DLGAP2: variants seen among roughly 807,000 people sequenced by gnomAD.
DLGAP2 encodes DLG associated protein 2, also known as disks large-associated protein 2.
Under a neutral mutation model 100.3 loss-of-function variants are expected in DLGAP2, and 26 were observed. The ratio of observed to expected loss-of-function variants is 0.26; its 90% confidence interval spans 0.19 to 0.36. The LOEUF is 0.36. DLGAP2 is among the 10% of genes least tolerant of loss of function. The pLI, the probability that DLGAP2 is intolerant of heterozygous loss-of-function variation, is 1.00. For missense variants in DLGAP2, 1,858 were observed against 1,453.2 expected (o/e 1.28, Z -4.53); for synonymous variants, 886 against 630.1 (o/e 1.41, Z -6.08).
chr8:793,109 C>T (rs979721549), intron 1 of DLGAP2, among the ~76,000 whole-genome samples: 2 of 152,216 alleles, frequency 1.3e-5, no homozygotes, highest in African/African-American at 2.4e-5. Context: ...TGGCTCTTCT[C>T]CCATGCCTTC....
intron 6 of DLGAP2, among the ~76,000 whole-genome samples, chr8:1,596,832 A>G (rs1216428121): frequency 6.7e-6 from 1 of 148,872 alleles, no homozygotes; most frequent in African/African-American, 2.4e-5. Flanking sequence ...AGGTTGCCTG[A>G]TAGTTTCATT....
At chr8:1,665,013 G>T (rs1227133100) in intron 8 of DLGAP2, among the ~76,000 whole-genome samples, 1 of 152,152 alleles carries the variant, frequency 6.6e-6, no homozygotes, top group East Asian at 1.9e-4. Context: ...TTTTAAAAGT[G>T]TGGCATGCAA....
intron 2 of DLGAP2, among the ~76,000 whole-genome samples, chr8:1,140,622 G>C (rs1438024698): frequency 6.6e-6 from 1 of 152,148 alleles, no homozygotes; most frequent in Non-Finnish European, 1.5e-5. Flanking sequence ...CAGCCAGGCT[G>C]GGAGCTGACT....
chr8:1,463,720 C>T (rs1332045750), intron 3 of DLGAP2, among the ~76,000 whole-genome samples: 3 of 152,262 alleles, frequency 2.0e-5, no homozygotes, highest in South Asian at 2.1e-4. Context: ...GCACTGGCCA[C>T]GTTGAACATG....
At position 1,676,749 on chromosome 8, in the gene DLGAP2, A is replaced by T. The variant is rs1261413947; in HGVS notation, c.2288+131A>T. On this transcript the variant is annotated intron_variant, in intron 11 of 14. Transcript: ENST00000637795. ...TGTGGAAACAGGGCCATACGTTTAT[A>T]CTTTTCCATTGATAACCCTCAAGTA... 3.4e-6 allele frequency: 3 copies of T among 870,158 alleles called. No homozygotes were observed. The African/African-American group carries it at 5.1e-5, about 15-fold the overall frequency. 53.9% of individuals were successfully genotyped at this position (870,158 alleles called of 1,614,324 possible). A position where few individuals can be genotyped will look rare whatever the true frequency, so the allele number is the denominator to read the frequency against.
At chr8:1,669,640 G>T in intron 9 of DLGAP2, 103 bp from the exon 10 acceptor site, 2 of 768,354 alleles carry the variant, frequency 2.6e-6, no homozygotes, top group East Asian at 4.9e-5. Context: ...GGCCCGTGCG[G>T]CGCTGGTAGC....
chr8:1,362,528 C>T (rs1802005963), intron 3 of DLGAP2, among the ~76,000 whole-genome samples: 1 of 152,102 alleles, frequency 6.6e-6, no homozygotes, highest in Non-Finnish European at 1.5e-5. Context: ...TCCCCGTGAG[C>T]CTTGGCTTCC....
intron 3 of DLGAP2, among the ~76,000 whole-genome samples, chr8:1,472,755 TG>T (rs1030299903): frequency 1.4e-4 from 21 of 152,196 alleles, no homozygotes; most frequent in African/African-American, 5.1e-4. Context: ...AAACCCTAGC[TG>T]GGGTGACAAG....
At chr8:976,440 T>C (rs1800165102) in intron 2 of DLGAP2, among the ~76,000 whole-genome samples, 1 of 152,016 alleles carries the variant, frequency 6.6e-6, no homozygotes, top group South Asian at 2.1e-4. Flanking sequence ...TAAAACCCCA[T>C]GTCTACTAAA....
intron 4 of DLGAP2, among the ~76,000 whole-genome samples, chr8:1,523,252 G>A (rs966101820): frequency 8.5e-5 from 13 of 152,236 alleles, no homozygotes; most frequent in African/African-American, 2.9e-4. Flanking sequence ...CGTTGAATTT[G>A]GATTTGCTTG....
At chr8:1,631,838 C>T (rs1797654615) in intron 7 of DLGAP2, among the ~76,000 whole-genome samples, 1 of 152,210 alleles carries the variant, frequency 6.6e-6, no homozygotes. Context: ...AGACAGGCAA[C>T]CAGTGTCGTG....
intron 1 of DLGAP2, among the ~76,000 whole-genome samples, chr8:857,063 C>T: frequency 6.6e-6 from 1 of 152,090 alleles, no homozygotes; most frequent in East Asian, 1.9e-4. Context: ...AGAGACAGAC[C>T]CACGTAAATA....
intron 3 of DLGAP2, among the ~76,000 whole-genome samples, chr8:1,335,421 A>G (rs1801251753): frequency 6.6e-6 from 1 of 152,204 alleles, no homozygotes; most frequent in African/African-American, 2.4e-5. Context: ...CTGTGGGCTG[A>G]CACTATGCTG....
chr8:1,353,408 A>G (rs7017736), intron 3 of DLGAP2, among the ~76,000 whole-genome samples: 60,353 of 152,096 alleles, frequency 0.4, 12,382 homozygotes, highest in East Asian at 0.56. Context: ...TTTCAGTACC[A>G]TGGTCAATGA....
At chr8:1,088,778 T>G (rs1411626422) in intron 2 of DLGAP2, among the ~76,000 whole-genome samples, 1 of 116,586 alleles carries the variant, frequency 8.6e-6, no homozygotes, top group African/African-American at 3.5e-5. Flanking sequence ...CAGCAGGCTA[T>G]GCAATTCTCA....
chr8:1,090,087 C>T (rs1285852412), intron 2 of DLGAP2, among the ~76,000 whole-genome samples: 1 of 139,290 alleles, frequency 7.2e-6, no homozygotes, highest in Non-Finnish European at 1.6e-5. Flanking sequence ...CTGGAGCCCT[C>T]CTGGGCAGAC....
intron 1 of DLGAP2, among the ~76,000 whole-genome samples, chr8:784,615 T>G (rs1433719188): frequency 1.3e-5 from 2 of 152,236 alleles, no homozygotes; most frequent in African/African-American, 4.8e-5. Context: ...TATAACAGTT[T>G]TATCTCAGAA....
chr8:1,656,173 A>G (rs1052483821), intron 8 of DLGAP2, among the ~76,000 whole-genome samples: 1 of 152,146 alleles, frequency 6.6e-6, no homozygotes, highest in Non-Finnish European at 1.5e-5. Flanking sequence ...AAAATATAAA[A>G]TTAGCCAGGC....
intron 6 of DLGAP2, among the ~76,000 whole-genome samples, chr8:1,582,417 G>C (rs957510793): frequency 6.6e-6 from 1 of 151,454 alleles, no homozygotes; most frequent in Admixed American, 6.6e-5. Flanking sequence ...CCAGAACACC[G>C]TAAAGTGACA....
Sources: allele counts gnomAD v4.1 joint callset (sites outside exome capture counted in the v4.1 genomes callset), GRCh38; gene constraint gnomAD v4.1.1; transcripts MANE v1.5; gene names NCBI Gene and HGNC (gene_info 2026-07-23, HGNC 2026-07-21).